SLC25A21: variants seen among roughly 807,000 people sequenced by gnomAD.
SLC25A21 encodes solute carrier family 25 member 21.
A neutral mutation model predicts 43.8 loss-of-function variants in SLC25A21; 47 were observed. The ratio of observed to expected loss-of-function variants is 1.07; its 90% CI spans 0.85 to 1.37. The LOEUF (loss-of-function observed/expected upper bound fraction) is 1.37, where lower values mean the gene tolerates loss of function less well. Among genes scored for constraint, SLC25A21 ranks in the 40% most tolerant of loss-of-function variants. The probability of loss-of-function intolerance (pLI) is 0.00; values close to 1 mark genes in which losing one functional copy is unlikely to be tolerated. For missense variants in SLC25A21, 352 were observed against 350.2 expected (o/e 1.00, Z -0.04); for synonymous variants, 131 against 121.3 (o/e 1.08, Z -0.52).
At chr14:36,693,633 TTTTA>T (rs1428520204) in intron 7 of SLC25A21, among the ~76,000 whole-genome samples, 7 of 152,068 alleles carry the variant, frequency 4.6e-5, no homozygotes, top group African/African-American at 1.7e-4. Context: ...AGTTTTTTAT[TTTTA>T]TTTATTTATT....
At chr14:36,783,178 A>G (rs1157363257) in intron 3 of SLC25A21, among the ~76,000 whole-genome samples, 1 of 111,552 alleles carries the variant, frequency 9.0e-6, no homozygotes, top group East Asian at 3.0e-4. Context: ...CTTGCAAGTC[A>G]TCTGCAAATG....
intron 7 of SLC25A21, among the ~76,000 whole-genome samples, chr14:36,696,772 T>G (rs543484473): frequency 6.6e-6 from 1 of 152,364 alleles, no homozygotes; most frequent in Non-Finnish European, 1.5e-5. Context: ...TATCATTTTT[T>G]ATTGCATCTA....
At chr14:37,131,636 ATTATT>A (rs1288421861) in intron 1 of SLC25A21, among the ~76,000 whole-genome samples, 2 of 152,334 alleles carry the variant, frequency 1.3e-5, no homozygotes, top group East Asian at 3.9e-4. Context: ...AAACACCTAT[ATTATT>A]TTAATTAAAG....
intron 3 of SLC25A21, among the ~76,000 whole-genome samples, chr14:36,735,624 T>C (rs113600045): frequency 0.02 from 3,041 of 152,224 alleles, 102 homozygotes; most frequent in African/African-American, 0.07. Context: ...GTGAACCCAC[T>C]GTACCACCCA....
chr14:37,165,169 G>A (rs1286864128), intron 1 of SLC25A21, among the ~76,000 whole-genome samples: 1 of 152,182 alleles, frequency 6.6e-6, no homozygotes, highest in Non-Finnish European at 1.5e-5. Context: ...TTGAGGTCAG[G>A]AGTTTGAGAC....
chr14:36,697,876 G>A (rs1371309117), intron 7 of SLC25A21, among the ~76,000 whole-genome samples: 2 of 151,998 alleles, frequency 1.3e-5, no homozygotes, highest in East Asian at 3.9e-4. Flanking sequence ...CAATTTGCCA[G>A]TCTGTGTCTT....
chr14:37,095,349 C>T (rs1362113979), intron 1 of SLC25A21, among the ~76,000 whole-genome samples: 2 of 152,060 alleles, frequency 1.3e-5, no homozygotes, highest in East Asian at 3.9e-4. Context: ...GAAACCCTGT[C>T]TCTACTAAAA....
At chr14:36,752,291 G>C (rs1478213715) in intron 3 of SLC25A21, among the ~76,000 whole-genome samples, 2 of 152,180 alleles carry the variant, frequency 1.3e-5, no homozygotes, top group African/African-American at 4.8e-5. Flanking sequence ...CTTACGCATT[G>C]CTTTTGGGAA....
At chr14:36,687,287 G>T (rs1348709948) in intron 7 of SLC25A21, among the ~76,000 whole-genome samples, 2 of 152,038 alleles carry the variant, frequency 1.3e-5, no homozygotes, top group Admixed American at 1.3e-4. Context: ...CAGCACAACA[G>T]TAAGATCCCA....
At chr14:36,963,283 C>T (rs1209508587) in intron 1 of SLC25A21, among the ~76,000 whole-genome samples, 2 of 151,888 alleles carry the variant, frequency 1.3e-5, no homozygotes, top group Admixed American at 6.6e-5. Flanking sequence ...TGTTTTATTC[C>T]CCAAAGTCAT....
intron 3 of SLC25A21, among the ~76,000 whole-genome samples, chr14:36,767,840 GATAA>G (rs1459467616): frequency 6.6e-6 from 1 of 152,176 alleles, no homozygotes; most frequent in Non-Finnish European, 1.5e-5. Context: ...GCTGGGAGGT[GATAA>G]ATAATGAGGT....
chr14:36,856,591 C>T (rs1295648464), intron 2 of SLC25A21, among the ~76,000 whole-genome samples: 1 of 152,170 alleles, frequency 6.6e-6, no homozygotes, highest in Admixed American at 6.5e-5. Context: ...GGAAAGGGGG[C>T]CACTGGCATC....
intron 2 of SLC25A21, among the ~76,000 whole-genome samples, chr14:36,838,168 G>A (rs192551315): frequency 1.3e-5 from 2 of 152,338 alleles, no homozygotes; most frequent in Admixed American, 1.3e-4. Context: ...CAGGCACAGT[G>A]CACACGGCTG....
At chr14:37,061,808 G>A (rs1961953845) in intron 1 of SLC25A21, among the ~76,000 whole-genome samples, 1 of 152,188 alleles carries the variant, frequency 6.6e-6, no homozygotes, top group African/African-American at 2.4e-5. Context: ...CTAGACACAT[G>A]ACATACTCCT....
intron 6 of SLC25A21, among the ~76,000 whole-genome samples, chr14:36,722,735 T>G (rs1884426000): frequency 6.6e-6 from 1 of 152,126 alleles, no homozygotes; most frequent in Admixed American, 6.5e-5. Flanking sequence ...TGCTCTAGAG[T>G]CTAGATCATT....
At chr14:36,856,570 G>A (rs974810756) in intron 2 of SLC25A21, among the ~76,000 whole-genome samples, 1 of 152,158 alleles carries the variant, frequency 6.6e-6, no homozygotes, top group Admixed American at 6.5e-5. Context: ...TTTAGACTGC[G>A]AGAGGCCAGT....
At chr14:37,023,952 C>T (rs1961040060) in intron 1 of SLC25A21, among the ~76,000 whole-genome samples, 1 of 152,044 alleles carries the variant, frequency 6.6e-6, no homozygotes, top group Non-Finnish European at 1.5e-5. Context: ...TAGTATTTAA[C>T]ATATACTAGG....
chr14:36,856,362 C>T (rs886665349), intron 2 of SLC25A21, among the ~76,000 whole-genome samples: 18 of 152,146 alleles, frequency 1.2e-4, no homozygotes, highest in Admixed American at 6.5e-4. Context: ...GATTCCAAAG[C>T]GGTCAGGCCA....
chr14:36,721,731 G>C (rs1884380287), intron 6 of SLC25A21, among the ~76,000 whole-genome samples: 1 of 152,234 alleles, frequency 6.6e-6, no homozygotes, highest in Admixed American at 6.5e-5. Context: ...CTCCAAGATG[G>C]GCCAGCAAGT....
Sources: gnomAD v4.1 joint callset for allele counts (sites outside exome capture counted in the v4.1 genomes callset) on GRCh38, gnomAD v4.1.1 for gene constraint, MANE v1.5 for transcripts, NCBI Gene and HGNC (gene_info 2026-07-23, HGNC 2026-07-21) for gene names.